Variants in FHIT observed in about 807,000 individuals in gnomAD.
FHIT encodes bis(5'-adenosyl)-triphosphatase.
In FHIT, 19 loss-of-function variants were observed where a neutral mutation model predicts 17.9. That is an observed-to-expected ratio of 1.06 (90% CI 0.74 to 1.56). The LOEUF (loss-of-function observed/expected upper bound fraction) is 1.56, where lower values mean the gene tolerates loss of function less well. Ranked by LOEUF, FHIT falls within the 40% of genes most tolerant of loss-of-function variation. The pLI, the probability that FHIT is intolerant of heterozygous loss-of-function variation, is 0.00. For missense variants in FHIT, 248 were observed against 189.2 expected, an observed-to-expected ratio of 1.31 and a Z score of -1.82; for synonymous variants, 81 against 69.7, an observed-to-expected ratio of 1.16 and a Z score of -0.81.
intron 5 of FHIT, among the ~76,000 whole-genome samples, chr3:60,215,124 G>T (rs1392834562): frequency 6.6e-6 from 1 of 151,828 alleles, no homozygotes; most frequent in Non-Finnish European, 1.5e-5. Flanking sequence ...GCGACACTCA[G>T]TTTACCCGTG....
At chr3:60,584,837 C>T (rs1553661093) in intron 4 of FHIT, among the ~76,000 whole-genome samples, 1 of 151,946 alleles carries the variant, frequency 6.6e-6, no homozygotes, top group African/African-American at 2.4e-5. Context: ...TAATATCTAG[C>T]AATGTTCTAA....
At chr3:59,834,081 A>C (rs1408412070) in intron 8 of FHIT, among the ~76,000 whole-genome samples, 1 of 152,182 alleles carries the variant, frequency 6.6e-6, no homozygotes, top group Admixed American at 6.5e-5. Flanking sequence ...CTATATTGCC[A>C]TATCTATGTC....
chr3:61,245,661 C>A (rs1249785723), intron 1 of FHIT, among the ~76,000 whole-genome samples: 3 of 152,156 alleles, frequency 2.0e-5, no homozygotes, highest in Non-Finnish European at 4.4e-5. Context: ...AATTCATTAT[C>A]CATAATGCAT....
chr3:60,553,887 A>G (rs1407931888), intron 4 of FHIT, among the ~76,000 whole-genome samples: 2 of 152,024 alleles, frequency 1.3e-5, no homozygotes, highest in African/African-American at 2.4e-5. Flanking sequence ...GGAGTTTGAG[A>G]CCAGCCTGGC....
intron 5 of FHIT, among the ~76,000 whole-genome samples, chr3:60,120,562 C>A (rs1705201437): frequency 1.3e-5 from 2 of 152,148 alleles, no homozygotes; most frequent in African/African-American, 4.8e-5. Context: ...GCAGCGAGGA[C>A]TGGAGTATAA....
chr3:60,258,721 C>A (rs1190051466), intron 5 of FHIT, among the ~76,000 whole-genome samples: 1 of 151,992 alleles, frequency 6.6e-6, no homozygotes, highest in Admixed American at 6.6e-5. Context: ...ATGAAACCCT[C>A]AAAATAGGGA....
intron 5 of FHIT, among the ~76,000 whole-genome samples, chr3:60,060,894 C>G (rs1702269501): frequency 6.6e-6 from 1 of 152,136 alleles, no homozygotes; most frequent in Non-Finnish European, 1.5e-5. Flanking sequence ...GGAACAAAAA[C>G]TTTTCACTTT....
At chr3:60,879,779 C>G (rs954595808) in intron 3 of FHIT, among the ~76,000 whole-genome samples, 1 of 150,906 alleles carries the variant, frequency 6.6e-6, no homozygotes, top group Non-Finnish European at 1.5e-5. Context: ...CAAGAACAGA[C>G]TTAAGTATAG....
intron 4 of FHIT, among the ~76,000 whole-genome samples, chr3:60,757,585 A>G (rs1241736247): frequency 6.6e-6 from 1 of 152,182 alleles, no homozygotes; most frequent in Non-Finnish European, 1.5e-5. Context: ...CGGTGAGGAC[A>G]CTGAACTTAG....
At chr3:60,419,023 A>C (rs1338192488) in intron 5 of FHIT, among the ~76,000 whole-genome samples, 1 of 152,184 alleles carries the variant, frequency 6.6e-6, no homozygotes, top group African/African-American at 2.4e-5. Flanking sequence ...AATGACCTTC[A>C]TCATCTTCAC....
chr3:61,108,112 A>G lies in FHIT; in HGVS notation c.-163-66013T>C, dbSNP rs2036044790. Among the ~76,000 whole-genome samples, 5 of 152,216 alleles carry G rather than the reference A, an allele frequency of 3.3e-5. 1 individual carries two copies. Reference sequence around the variant, plus strand: ...GACTTGAATTTATAGTCCCCTGATAATTAGGGATATTAAGCATTTTTTTCA... The same window carrying G: ...GACTTGAATTTATAGTCCCCTGATAGTTAGGGATATTAAGCATTTTTTTCA... On this transcript the variant is annotated intron_variant, in intron 2 of 9. Transcript: ENST00000492590.
chr3:60,154,394 G>C (rs1326598532), intron 5 of FHIT, among the ~76,000 whole-genome samples: 1 of 152,132 alleles, frequency 6.6e-6, no homozygotes, highest in African/African-American at 2.4e-5. Flanking sequence ...TTCTGCTTTA[G>C]AAATCAGTCA....
intron 5 of FHIT, among the ~76,000 whole-genome samples, chr3:60,258,065 TACACACACACACACAC>T (rs67553597): frequency 0.076 from 11,009 of 144,580 alleles, 469 homozygotes; most frequent in South Asian, 0.11. Context: ...GGAAATTAAA[TACACACACACACACAC>T]ACACACACAC....
chr3:60,278,315 T>C (rs1048342064), intron 5 of FHIT, among the ~76,000 whole-genome samples: 3 of 152,176 alleles, frequency 2.0e-5, no homozygotes, highest in Admixed American at 6.5e-5. Flanking sequence ...ACACGTCCTT[T>C]CAGGGAAGCT....
At chr3:61,123,193 C>T (rs576772796) in intron 2 of FHIT, among the ~76,000 whole-genome samples, 105 of 152,222 alleles carry the variant, frequency 6.9e-4, no homozygotes, top group African/African-American at 2.4e-3. Flanking sequence ...GAGTTTATGT[C>T]CTTTGCAGGG....
At chr3:59,886,008 C>A (rs936284162) in intron 8 of FHIT, among the ~76,000 whole-genome samples, 2 of 152,190 alleles carry the variant, frequency 1.3e-5, no homozygotes, top group African/African-American at 4.8e-5. Flanking sequence ...AGGCAAAAGA[C>A]ACATTTGGGG....
At chr3:59,751,553 G>C (rs1355447814) in intron 9 of FHIT, 1 of 217,398 alleles carries the variant, frequency 4.6e-6, no homozygotes, top group Non-Finnish European at 9.2e-6. Context: ...ATTTGGAGTA[G>C]AAGCATTTTG....
chr3:60,728,155 A>G (rs999604674), intron 4 of FHIT, among the ~76,000 whole-genome samples: 1 of 152,232 alleles, frequency 6.6e-6, no homozygotes, highest in Non-Finnish European at 1.5e-5. Context: ...CCAGCTCTAA[A>G]TTCGTGGTTG....
intron 4 of FHIT, among the ~76,000 whole-genome samples, chr3:60,726,047 CAA>C (rs2041910435): frequency 6.6e-6 from 1 of 152,144 alleles, no homozygotes; most frequent in African/African-American, 2.4e-5. Context: ...CAAATTCTAA[CAA>C]ACAGTAGCTA....
Sources: gnomAD v4.1 joint callset for allele counts (sites outside exome capture counted in the v4.1 genomes callset) on GRCh38, gnomAD v4.1.1 for gene constraint, MANE v1.5 for transcripts, NCBI Gene and HGNC (gene_info 2026-07-23, HGNC 2026-07-21) for gene names.